KIAA1328: variants seen among roughly 807,000 people sequenced by gnomAD.
KIAA1328 encodes KIAA1328, also known as protein hinderin.
In KIAA1328, 52 loss-of-function variants were observed where a neutral mutation model predicts 68.1. The observed-to-expected ratio is 0.76, with a 90% confidence interval of 0.61 to 0.96. The LOEUF is 0.96. Ranked by LOEUF, KIAA1328 falls within the 40% of genes least tolerant of loss-of-function variation. The pLI is 0.00. For missense variants in KIAA1328, 641 were observed against 677.6 expected (o/e 0.95, Z 0.60); for synonymous variants, 232 against 239.4 (o/e 0.97, Z 0.28).
At chr18:37,078,048 T>C (rs1163649015) in intron 7 of KIAA1328, among the ~76,000 whole-genome samples, 1 of 152,194 alleles carries the variant, frequency 6.6e-6, no homozygotes, top group Non-Finnish European at 1.5e-5. Context: ...AGAACAAAGC[T>C]GGAGGCATCA....
At chr18:36,925,268 GGC>G (rs2050070421) in intron 5 of KIAA1328, among the ~76,000 whole-genome samples, 1 of 152,038 alleles carries the variant, frequency 6.6e-6, no homozygotes, top group South Asian at 2.1e-4. Context: ...GATATATAAT[GGC>G]AGAATACTAC....
At chr18:36,864,374 T>C (rs1475091556) in intron 4 of KIAA1328, among the ~76,000 whole-genome samples, 1 of 151,198 alleles carries the variant, frequency 6.6e-6, no homozygotes, top group East Asian at 1.9e-4. Context: ...CAATCTCGGC[T>C]CACTGCAAGC....
intron 9 of KIAA1328, among the ~76,000 whole-genome samples, chr18:37,174,285 T>C (rs1035463781): frequency 6.6e-6 from 1 of 152,092 alleles, no homozygotes; most frequent in African/African-American, 2.4e-5. Flanking sequence ...ATTGTAACAG[T>C]TGACAATGAC....
chr18:37,133,443 T>A (rs1220287502), intron 7 of KIAA1328, among the ~76,000 whole-genome samples: 1 of 152,078 alleles, frequency 6.6e-6, no homozygotes, highest in African/African-American at 2.4e-5. Context: ...GTATCTTGAT[T>A]GTGATGGTTA....
At chr18:37,019,614 T>C (rs2054270899) in intron 6 of KIAA1328, among the ~76,000 whole-genome samples, 1 of 152,186 alleles carries the variant, frequency 6.6e-6, no homozygotes, top group Admixed American at 6.5e-5. Context: ...GTTCTCTGCA[T>C]GGGGATGGGC....
At position 37,125,780 on chromosome 18, in the gene KIAA1328, C is replaced by G. The variant is rs1599360072; in HGVS notation, c.1233-34420C>G. Among the ~76,000 whole-genome samples the G allele has an allele frequency of 2.0e-5, 3 of 152,150 alleles. No homozygotes were observed. The East Asian group carries it at 5.8e-4, about 29-fold the overall frequency. ...TTGTGAGCTCTGATATGAGATCAAG[C>G]AGAGAATTTTACATCTGACCTCATG... On this transcript the variant is annotated intron_variant, in intron 7 of 9. Transcript: ENST00000280020.
intron 6 of KIAA1328, among the ~76,000 whole-genome samples, chr18:36,984,098 T>G (rs1036870589): frequency 2.0e-5 from 3 of 152,150 alleles, no homozygotes; most frequent in Admixed American, 6.6e-5. Context: ...GTGAGGATAC[T>G]TTTTCAACCT....
At chr18:37,103,537 A>C (rs1477225500) in intron 7 of KIAA1328, among the ~76,000 whole-genome samples, 1 of 152,244 alleles carries the variant, frequency 6.6e-6, no homozygotes, top group African/African-American at 2.4e-5. Context: ...ATAAGACCTG[A>C]AATTATACAA....
chr18:36,982,127 T>A lies in KIAA1328; in HGVS notation c.576+22692T>A, dbSNP rs913943444. Among the ~76,000 whole-genome samples the A allele has an allele frequency of 3.5e-4, 47 of 133,516 alleles. No individual in the cohort carries two copies. In the Admixed American group the frequency reaches 3.8e-3, roughly 11 times the overall value. 87.6% of individuals were successfully genotyped at this position (133,516 alleles called of 152,430 possible). A position where few individuals can be genotyped will look rare whatever the true frequency, so the allele number is the denominator to read the frequency against. On this transcript the variant is annotated intron_variant, in intron 6 of 9. Coordinates refer to ENST00000280020, the MANE Select transcript of KIAA1328 (RefSeq NM_020776.3). ...AATATAATTATATAATATATAAATA[T>A]ATTATAAAAATATAAATAAATATAT...
intron 6 of KIAA1328, among the ~76,000 whole-genome samples, chr18:37,018,863 C>T (rs988360214): frequency 6.6e-6 from 1 of 151,750 alleles, no homozygotes; most frequent in Admixed American, 6.6e-5. Context: ...TCATTTTTAA[C>T]CTTGTCTTGA....
intron 4 of KIAA1328, among the ~76,000 whole-genome samples, chr18:36,856,097 T>C (rs749181254): frequency 6.6e-6 from 1 of 152,106 alleles, no homozygotes; most frequent in Non-Finnish European, 1.5e-5. Flanking sequence ...TTCCCTCTTG[T>C]TGTTTTTAAG....
At position 37,036,629 on chromosome 18, in the gene KIAA1328, C is replaced by T. The variant is rs185189062; in HGVS notation, c.577-30261C>T. Among the ~76,000 whole-genome samples, 356 of 152,286 alleles carry T rather than the reference C, an allele frequency of 2.3e-3. 1 individual carries two copies. The highest frequency in any genetic ancestry group is 8.1e-3 in the African/African-American group (335 of 41,552). On this transcript the variant is annotated intron_variant, in intron 6 of 9. Coordinates refer to ENST00000280020, the MANE Select transcript of KIAA1328 (RefSeq NM_020776.3). ...TAAGCCTGGTCCATGCTCACAGCCA[C>T]CTGCTCTTTTTATTTGGGGTCATTG... is the stretch of plus-strand genomic sequence containing the variant.
At chr18:37,182,314 G>A (rs1404587442) in intron 9 of KIAA1328, among the ~76,000 whole-genome samples, 2 of 152,080 alleles carry the variant, frequency 1.3e-5, no homozygotes, top group Admixed American at 1.3e-4. Context: ...AGAAAGTAAA[G>A]CTCCAAGAGA....
chr18:36,839,727 A>G (rs979817015), intron 3 of KIAA1328, among the ~76,000 whole-genome samples: 1 of 152,194 alleles, frequency 6.6e-6, no homozygotes, highest in Non-Finnish European at 1.5e-5. Flanking sequence ...GAGCTTTTAA[A>G]GGTGGTGCCA....
At chr18:37,150,338 C>G (rs2059000726) in intron 7 of KIAA1328, among the ~76,000 whole-genome samples, 2 of 152,168 alleles carry the variant, frequency 1.3e-5, no homozygotes, top group African/African-American at 4.8e-5. Flanking sequence ...CCTCTACCCA[C>G]TAGATGCCAA....
chr18:37,227,306 T>G (rs953052997), downstream of KIAA1328, among the ~76,000 whole-genome samples: 1 of 152,210 alleles, frequency 6.6e-6, no homozygotes, highest in South Asian at 2.1e-4. Flanking sequence ...CTAGGATCAT[T>G]GATGAAGGTA....
At chr18:36,925,324 T>A (rs1318858757) in intron 5 of KIAA1328, among the ~76,000 whole-genome samples, 1 of 152,114 alleles carries the variant, frequency 6.6e-6, no homozygotes, top group Non-Finnish European at 1.5e-5. Context: ...AGTGGAGATA[T>A]GAGCCAAGAA....
intron 4 of KIAA1328, among the ~76,000 whole-genome samples, chr18:36,870,512 C>T (rs2047909118): frequency 6.6e-6 from 1 of 151,932 alleles, no homozygotes; most frequent in Non-Finnish European, 1.5e-5. Flanking sequence ...AGTAAAATTC[C>T]TCTTTGACAA....
chr18:36,876,226 G>C (rs1280728273), intron 4 of KIAA1328, among the ~76,000 whole-genome samples: 1 of 152,136 alleles, frequency 6.6e-6, no homozygotes, highest in Non-Finnish European at 1.5e-5. Context: ...GTTTGGAATA[G>C]TTTCCAAAGG....
Sources: allele counts gnomAD v4.1 joint callset (sites outside exome capture counted in the v4.1 genomes callset), GRCh38; gene constraint gnomAD v4.1.1; transcripts MANE v1.5; gene names NCBI Gene and HGNC (gene_info 2026-07-23, HGNC 2026-07-21).